The following GDAP1 variants were observed in gnomAD, a reference collection of about 807,000 sequenced individuals.
GDAP1 encodes the protein ganglioside induced differentiation associated protein 1.
GDAP1 carries 34 observed loss-of-function variants against 40.1 expected under a neutral mutation model. That is an observed-to-expected ratio of 0.85 (90% confidence interval 0.64 to 1.13). The LOEUF is 1.13. GDAP1 is among the 50% of genes most tolerant of loss of function. The pLI, the probability that GDAP1 is intolerant of heterozygous loss-of-function variation, is 0.00. For synonymous variants in GDAP1, 170 were observed against 157.4 expected (o/e 1.08, Z -0.60); for missense variants, 374 against 433.7 (o/e 0.86, Z 1.22).
intron 2 of GDAP1, among the ~76,000 whole-genome samples, chr8:74,397,000 C>T (rs1810211284): frequency 1.3e-5 from 2 of 152,216 alleles, no homozygotes; most frequent in African/African-American, 4.8e-5. Context: ...TGTTTCTCCA[C>T]ATCCTCTCTA....
intron 2 of GDAP1, among the ~76,000 whole-genome samples, chr8:74,447,669 G>A (rs76435308): frequency 6.6e-6 from 1 of 152,080 alleles, no homozygotes; most frequent in African/African-American, 2.4e-5. Context: ...TAATAAAATG[G>A]GCACTTTCAG....
intron 2 of GDAP1, among the ~76,000 whole-genome samples, chr8:74,415,416 G>T (rs1805765748): frequency 6.7e-6 from 1 of 150,012 alleles, no homozygotes; most frequent in Non-Finnish European, 1.5e-5. Flanking sequence ...AGTGTGTAGA[G>T]ATTCACCCTG....
At chr8:74,358,135 A>G (rs1809191494) in intron 2 of GDAP1, among the ~76,000 whole-genome samples, 1 of 152,214 alleles carries the variant, frequency 6.6e-6, no homozygotes, top group African/African-American at 2.4e-5. Context: ...GTTAGACAGT[A>G]ACGGCACACT....
At chr8:74,431,691 C>A (rs1806028391) in intron 2 of GDAP1, among the ~76,000 whole-genome samples, 1 of 152,054 alleles carries the variant, frequency 6.6e-6, no homozygotes, top group Admixed American at 6.6e-5. Context: ...CCATGTTAGC[C>A]AGGATGGTCT....
intron 2 of GDAP1, among the ~76,000 whole-genome samples, chr8:74,435,977 T>C (rs1312271191): frequency 6.6e-6 from 1 of 152,332 alleles, no homozygotes; most frequent in East Asian, 1.9e-4. Context: ...TAAGAAATAT[T>C]TGGAAATATT....
chr8:74,388,853 C>T (rs1455099503), intron 2 of GDAP1, among the ~76,000 whole-genome samples: 1 of 152,146 alleles, frequency 6.6e-6, no homozygotes, highest in East Asian at 1.9e-4. Context: ...CTTTATGAAT[C>T]TGGGTGCTCC....
At chr8:74,369,605 T>C (rs1372106635), downstream of GDAP1, among the ~76,000 whole-genome samples, 3 of 146,332 alleles carry the variant, frequency 2.1e-5, no homozygotes, top group Non-Finnish European at 3.0e-5. Flanking sequence ...GAACAAAGAA[T>C]GGGGCAGGAA....
chr8:74,368,074 C>G (rs1809690244), downstream of GDAP1, among the ~76,000 whole-genome samples: 1 of 152,182 alleles, frequency 6.6e-6, no homozygotes, highest in Non-Finnish European at 1.5e-5. Flanking sequence ...TGTCTTCAGT[C>G]TTTTACTTTA....
chr8:74,360,000 G>A, intron 2 of GDAP1, 137 bp from the exon 3 acceptor site: 1 of 710,630 alleles, frequency 1.4e-6, no homozygotes, highest in Middle Eastern at 3.6e-4. Context: ...GAATGTCTGA[G>A]GTGAGGAGAC....
intron 2 of GDAP1, among the ~76,000 whole-genome samples, chr8:74,413,910 T>C (rs1201248607): frequency 1.9e-4 from 29 of 149,770 alleles, no homozygotes; most frequent in Admixed American, 1.8e-3. Context: ...TTTGAGAAAG[T>C]GACTCTTCAA....
At chr8:74,370,300 A>G (rs1161414843), downstream of GDAP1, among the ~76,000 whole-genome samples, 1 of 152,248 alleles carries the variant, frequency 6.6e-6, no homozygotes, top group Non-Finnish European at 1.5e-5. Context: ...AATATATGAA[A>G]AACACAAAGG....
In GDAP1 at chr8:74,449,554, A is replaced by G. The variant is rs181350822; in HGVS notation, c.166-39124A>G. On this transcript the variant is annotated intron_variant, in intron 2 of 2. Coordinates refer to the GDAP1 transcript ENST00000523640. Reference sequence around the variant, plus strand: ...GAATTTGCATATCTTTGTTAAATTTATTCCCAAGTATTTTATGTTTTTTAT... The same window carrying G: ...GAATTTGCATATCTTTGTTAAATTTGTTCCCAAGTATTTTATGTTTTTTAT... Among the ~76,000 whole-genome samples, 52 of 151,914 alleles carry G rather than the reference A, an allele frequency of 3.4e-4. 1 individual carries two copies. In the South Asian group the frequency reaches 4.1e-3, roughly 12 times the overall value.
chr8:74,448,900 T>A (rs1806264524), intron 2 of GDAP1, among the ~76,000 whole-genome samples: 3 of 152,114 alleles, frequency 2.0e-5, no homozygotes, highest in Non-Finnish European at 2.9e-5. Context: ...TTTAATTTTA[T>A]GAAGTCCAAA....
chr8:74,372,421 C>T (rs1809770187), intron 2 of GDAP1, among the ~76,000 whole-genome samples: 1 of 152,220 alleles, frequency 6.6e-6, no homozygotes. Flanking sequence ...CACATCCTCT[C>T]CAGCACCTGT....
At chr8:74,387,292 A>G (rs1254310648) in intron 2 of GDAP1, among the ~76,000 whole-genome samples, 1 of 152,288 alleles carries the variant, frequency 6.6e-6, no homozygotes, top group East Asian at 1.9e-4. Context: ...GCTTTTGCCC[A>G]TTCAGTGTGA....
rs1401174964 is a variant in GDAP1 at position 74,364,291 on chromosome 8, AT to A, written c.1005del (p.Phe335LeufsTer13). 6.2e-7 allele frequency: 1 copy of A among 1,614,044 alleles called. No individual in the cohort carries two copies. Among genetic ancestry groups the A allele is most frequent in the Admixed American group, 1.7e-5 (1 of 60,018 alleles). On this transcript the variant is annotated frameshift_variant, in exon 6 of 6. Transcript: ENST00000220822. LOFTEE classifies it high-confidence loss of function. ...LVVGLLAGVG[Y>X]FAFMLFRKRL... ...GTTGGTTTGCTTGCAGGAGTGGGATATTTTGCTTTTATGCTTTTCAGAAAGA... is the reference window on the plus strand; with the variant it reads ...GTTGGTTTGCTTGCAGGAGTGGGATATTTGCTTTTATGCTTTTCAGAAAGA...
At chr8:74,458,889 AAG>A (rs1806368031) in intron 2 of GDAP1, among the ~76,000 whole-genome samples, 1 of 151,612 alleles carries the variant, frequency 6.6e-6, no homozygotes, top group South Asian at 2.1e-4. Flanking sequence ...GCAGCCACAG[AAG>A]ATAGAAAAGA....
chr8:74,477,760 A>G (rs186246577), intron 2 of GDAP1, among the ~76,000 whole-genome samples: 7 of 152,296 alleles, frequency 4.6e-5, no homozygotes, highest in African/African-American at 1.7e-4. Context: ...ATCTGTCTTC[A>G]TTCACATATA....
chr8:74,445,383 C>T (rs1806215125), intron 2 of GDAP1, among the ~76,000 whole-genome samples: 1 of 152,130 alleles, frequency 6.6e-6, no homozygotes, highest in Admixed American at 6.5e-5. Context: ...ATTGTCTTTT[C>T]TACTGGATAG....
Sources: allele counts gnomAD v4.1 joint callset (sites outside exome capture counted in the v4.1 genomes callset), GRCh38; gene constraint gnomAD v4.1.1; transcripts MANE v1.5; gene names NCBI Gene and HGNC (gene_info 2026-07-23, HGNC 2026-07-21).